The following CHST12 variants were observed in gnomAD, a reference collection of about 807,000 sequenced individuals.
The protein encoded by CHST12 is carbohydrate (chondroitin 4) sulfotransferase 12.
Under a neutral mutation model 27.9 loss-of-function variants are expected in CHST12, and 23 were observed. That is an observed-to-expected ratio of 0.82 (90% CI 0.59 to 1.17). The LOEUF is 1.17. Ranked by LOEUF, CHST12 falls within the 50% of genes most tolerant of loss-of-function variation. The probability of loss-of-function intolerance (pLI) is 0.00; values close to 1 mark genes in which losing one functional copy is unlikely to be tolerated. For missense variants in CHST12, 682 were observed against 603.0 expected, an observed-to-expected ratio of 1.13 and a Z score of -1.37; for synonymous variants, 322 against 273.0, an observed-to-expected ratio of 1.18 and a Z score of -1.77.
chr7:2,433,678 G>C lies in CHST12; in HGVS notation c.1039G>C (p.Glu347Gln). The C allele has an allele frequency of 4.3e-6, 7 of 1,613,470 alleles. No individual in the cohort carries two copies. In the South Asian group the frequency reaches 4.4e-5, roughly 10 times the overall value. The change falls in exon 2 of 2, where the codon GAG becomes CAG. Residue 347 changes from glutamate to glutamine, a missense_variant. Glu to Gln is a conservative substitution (Grantham distance 29, BLOSUM62 2). Coordinates refer to ENST00000618655, the MANE Select transcript of CHST12 (RefSeq NM_018641.5). The surrounding 1 kb of genome is among the most constrained non-coding windows in gnomAD (Gnocchi z 6.1). ...DFVGKLETLDEDAAQLLQLLQ... is the reference protein window; with the variant it reads ...DFVGKLETLDQDAAQLLQLLQ... ...CGTGGGGAAGCTGGAGACTCTGGAC[G>C]AGGACGCCGCGCAGCTGCTGCAGCT...
chr7:2,427,178 C>T (rs898251001), intron 1 of CHST12, among the ~76,000 whole-genome samples: 1 of 151,554 alleles, frequency 6.6e-6, no homozygotes, highest in Non-Finnish European at 1.5e-5. Flanking sequence ...CAGCGAGACC[C>T]TGTCTCACAA....
In CHST12 at chr7:2,438,347, G is replaced by C. The variant is rs1473682715; in HGVS notation, c.*4463G>C. The C allele has an allele frequency of 6.6e-6, 1 of 152,292 alleles. No individual in the cohort carries two copies. The highest frequency in any genetic ancestry group is 2.4e-5 in the African/African-American group (1 of 41,436). The allele number at this position is 152,292 out of a possible 1,614,324, so 9.4% of individuals were successfully genotyped here. On this transcript the variant is annotated 3_prime_UTR_variant, in exon 2 of 2. Coordinates refer to ENST00000618655, the MANE Select transcript of CHST12 (RefSeq NM_018641.5). ...GGTTCCTGGTGGTGCTCCCCTCCAT[G>C]TGTGCTCACCCGCCTGTATGGAGGC...
At chr7:2,417,271 C>G (rs1196148277) in intron 1 of CHST12, among the ~76,000 whole-genome samples, 1 of 150,498 alleles carries the variant, frequency 6.6e-6, no homozygotes, top group Non-Finnish European at 1.5e-5. Context: ...GTTGGCCAGG[C>G]TAGAGTGCAG....
In CHST12 at chr7:2,434,026, T is replaced by C. The variant is rs925744640; in HGVS notation, c.*142T>C. 3.2e-5 allele frequency: 20 copies of C among 624,392 alleles called. No individual in the cohort carries two copies. Among genetic ancestry groups the C allele is most frequent in the Non-Finnish European group, 5.5e-5 (20 of 366,060 alleles). The allele number at this position is 624,392 out of a possible 1,614,324, so 38.7% of individuals were successfully genotyped here. A position where few individuals can be genotyped will look rare whatever the true frequency, so the allele number is the denominator to read the frequency against. On this transcript the variant is annotated 3_prime_UTR_variant, in exon 2 of 2. Transcript: ENST00000618655. ...ATTGAGTACTGTATCGATATTGTTTTTTAAGATTAATATATTTCAGGTATT... is the reference window on the plus strand; with the variant it reads ...ATTGAGTACTGTATCGATATTGTTTCTTAAGATTAATATATTTCAGGTATT...
At position 2,438,905 on chromosome 7, in the gene CHST12, G is replaced by A. The variant is rs566855491; in HGVS notation, c.*5021G>A. ...TGAGACCCAGTGCTCTTAGCTGTGA[G>A]CCTCTGGGAAGAGGTTCTGGCAGGT... is the stretch of plus-strand genomic sequence containing the variant. On this transcript the variant is annotated 3_prime_UTR_variant, in exon 2 of 2. Transcript: ENST00000618655. 2.6e-5 allele frequency: 4 copies of A among 152,320 alleles called. No individual in the cohort carries two copies. The highest frequency in any genetic ancestry group is 5.9e-5 in the Non-Finnish European group (4 of 68,120). The allele number at this position is 152,320 out of a possible 1,614,324, so 9.4% of individuals were successfully genotyped here.
chr7:2,406,934 G>A (rs376930810), intron 1 of CHST12, among the ~76,000 whole-genome samples: 17 of 152,092 alleles, frequency 1.1e-4, no homozygotes, highest in African/African-American at 3.1e-4. Context: ...ATGTCCACGC[G>A]GAGGTGAGCG....
chr7:2,432,657 G>C lies in CHST12; in HGVS notation c.18G>C (p.Leu6=), dbSNP rs1248027792. The change falls in exon 2 of 2, where the codon CTG becomes CTC. Residue 6 remains leucine (L), a synonymous_variant. Transcript: ENST00000618655. ...GGGGCAGGATGACCAAGGCCCGGCT[G>C]TTCCGGCTGTGGCTGGTGCTGGGGT... MTKAR[L]FRLWLVLGSV... 6.2e-6 allele frequency: 10 copies of C among 1,609,720 alleles called. No individual in the cohort carries two copies. The highest frequency in any genetic ancestry group is 2.2e-5 in the South Asian group (2 of 90,942).
At position 2,440,559 on chromosome 7, in the gene CHST12, G is replaced by C. The variant is rs760156574; in HGVS notation, c.*6675G>C. 1.3e-5 allele frequency: 2 copies of C among 152,382 alleles called. No individual in the cohort carries two copies. Among genetic ancestry groups the C allele is most frequent in the Non-Finnish European group, 2.9e-5 (2 of 68,202 alleles). The allele number at this position is 152,382 out of a possible 1,614,324, so 9.4% of individuals were successfully genotyped here. A position where few individuals can be genotyped will look rare whatever the true frequency, so the allele number is the denominator to read the frequency against. Reference sequence around the variant, plus strand: ...CCAGATGAGGCTCGGTTGTGAGTAGGAGCGGGGTGGGCCACCGAAGAGAAG... The same window carrying C: ...CCAGATGAGGCTCGGTTGTGAGTAGCAGCGGGGTGGGCCACCGAAGAGAAG... On this transcript the variant is annotated 3_prime_UTR_variant, in exon 2 of 2. Coordinates refer to ENST00000618655, the MANE Select transcript of CHST12 (RefSeq NM_018641.5).
chr7:2,421,335 T>G (rs1213026712), intron 1 of CHST12, among the ~76,000 whole-genome samples: 1 of 148,188 alleles, frequency 6.7e-6, no homozygotes, highest in African/African-American at 2.5e-5. Context: ...AGCCTCAAAC[T>G]CTTGGGCTCA....
At chr7:2,413,221 C>A (rs1781712614) in intron 1 of CHST12, among the ~76,000 whole-genome samples, 1 of 152,232 alleles carries the variant, frequency 6.6e-6, no homozygotes, top group African/African-American at 2.4e-5. Flanking sequence ...TTCCCTCTTC[C>A]TCCCAGTCCC....
At position 2,442,990 on chromosome 7, in the gene CHST12, C is replaced by G. The variant is rs930669132; in HGVS notation, c.*9106C>G. On this transcript the variant is annotated 3_prime_UTR_variant, in exon 2 of 2. Coordinates refer to ENST00000618655, the MANE Select transcript of CHST12 (RefSeq NM_018641.5). Reference sequence around the variant, plus strand: ...AGGCTGGAGTGCAGTGGCATGATCTCGGCTCACTGCAACCCCTGCTTCCTG... The same window carrying G: ...AGGCTGGAGTGCAGTGGCATGATCTGGGCTCACTGCAACCCCTGCTTCCTG... 6.6e-6 allele frequency: 1 copy of G among 152,118 alleles called. No individual in the cohort carries two copies. The highest frequency in any genetic ancestry group is 1.5e-5 in the Non-Finnish European group (1 of 68,052). 9.4% of individuals were successfully genotyped at this position (152,118 alleles called of 1,614,324 possible). A position where few individuals can be genotyped will look rare whatever the true frequency, so the allele number is the denominator to read the frequency against.
intron 1 of CHST12, among the ~76,000 whole-genome samples, chr7:2,427,515 A>C (rs2115429846): frequency 6.6e-6 from 1 of 152,056 alleles, no homozygotes; most frequent in African/African-American, 2.4e-5. Flanking sequence ...AAAAAAAAAA[A>C]AAGTTTACAC....
intron 1 of CHST12, among the ~76,000 whole-genome samples, chr7:2,405,566 GA>G (rs904805800): frequency 6.6e-6 from 1 of 152,196 alleles, no homozygotes; most frequent in African/African-American, 2.4e-5. Flanking sequence ...TGGTCGTGGT[GA>G]GAATATGGGA....
At position 2,437,185 on chromosome 7, in the gene CHST12, G is replaced by T. The variant is rs964444890; in HGVS notation, c.*3301G>T. The T allele has an allele frequency of 7.9e-5, 12 of 152,246 alleles. No homozygotes were observed. The highest frequency in any genetic ancestry group is 2.9e-4 in the African/African-American group (12 of 41,456). The allele number at this position is 152,246 out of a possible 1,614,324, so 9.4% of individuals were successfully genotyped here. A position where few individuals can be genotyped will look rare whatever the true frequency, so the allele number is the denominator to read the frequency against. ...CCCTGTTGGCCCCCATCCTCCAGCT[G>T]TGTCCACACTTTGAGCACAGTCATG... is the stretch of plus-strand genomic sequence containing the variant. On this transcript the variant is annotated 3_prime_UTR_variant, in exon 2 of 2. Coordinates refer to ENST00000618655, the MANE Select transcript of CHST12 (RefSeq NM_018641.5).
At position 2,433,632 on chromosome 7, in the gene CHST12, G is replaced by A. The variant is rs751420768; in HGVS notation, c.993G>A (p.Pro331=). The A allele has an allele frequency of 1.9e-6, 3 of 1,613,598 alleles. No individual in the cohort carries two copies. Among genetic ancestry groups the A allele is most frequent in the Middle Eastern group, 1.6e-4 (1 of 6,084 alleles). Residue 331 remains proline (P), a synonymous_variant, in exon 2 of 2, where the codon CCG becomes CCA. Transcript: ENST00000618655. This position sits in a 1 kb window ranked among gnomAD's most constrained non-coding sequence, Gnocchi z 6.1. ...GGCAGGTGTACCGCCTCTGCCACCCGTGCCAGATCGACTACGACTTCGTGG... is the reference window on the plus strand; with the variant it reads ...GGCAGGTGTACCGCCTCTGCCACCCATGCCAGATCGACTACGACTTCGTGG... The part of the protein sequence containing the change: ...HWRQVYRLCH[P]CQIDYDFVGK...
chr7:2,422,508 G>T (rs984584695), intron 1 of CHST12, among the ~76,000 whole-genome samples: 2 of 151,814 alleles, frequency 1.3e-5, no homozygotes, highest in Non-Finnish European at 2.9e-5. Context: ...GCCTCCCAAG[G>T]TTCTGGGATT....
At position 2,433,122 on chromosome 7, in the gene CHST12, C is replaced by T; in HGVS notation, c.483C>T (p.Asp161=). The change falls in exon 2 of 2, where the codon GAC becomes GAT. Residue 161 remains aspartate (D), a synonymous_variant. Coordinates refer to ENST00000618655, the MANE Select transcript of CHST12 (RefSeq NM_018641.5). The surrounding 1 kb of genome is among the most constrained non-coding windows in gnomAD (Gnocchi z 6.1). Reference sequence around the variant, plus strand: ...AGCTGAGCCACCTGATCGTGGACGACCGGCACGGGGCCATCTACTGCTACG... The same window carrying T: ...AGCTGAGCCACCTGATCGTGGACGATCGGCACGGGGCCATCTACTGCTACG... ...NSELSHLIVD[D]RHGAIYCYVP... The T allele has an allele frequency of 6.2e-7, 1 of 1,612,600 alleles. No individual in the cohort carries two copies. Among genetic ancestry groups the T allele is most frequent in the Non-Finnish European group, 8.5e-7 (1 of 1,179,450 alleles).
At position 2,446,452 on chromosome 7, in the gene CHST12, G is replaced by C. The variant is rs1320414383; in HGVS notation, c.*12568G>C. On this transcript the variant is annotated 3_prime_UTR_variant, in exon 2 of 2. Coordinates refer to ENST00000618655, the MANE Select transcript of CHST12 (RefSeq NM_018641.5). ...AGCCCCAGGAAGTGGTTCCACCCCAGGCAGCCAACAAGGCGGTGCCTGAAC... is the reference window on the plus strand; with the variant it reads ...AGCCCCAGGAAGTGGTTCCACCCCACGCAGCCAACAAGGCGGTGCCTGAAC... The C allele has an allele frequency of 6.6e-6, 1 of 152,500 alleles. No individual in the cohort carries two copies. Among genetic ancestry groups the C allele is most frequent in the Non-Finnish European group, 1.5e-5 (1 of 68,030 alleles). The allele number at this position is 152,500 out of a possible 1,614,324, so 9.4% of individuals were successfully genotyped here.
chr7:2,420,770 G>A (rs1001302127), intron 1 of CHST12, among the ~76,000 whole-genome samples: 5 of 152,180 alleles, frequency 3.3e-5, no homozygotes, highest in African/African-American at 1.2e-4. Context: ...GGACAACACA[G>A]TGAGACCCTG....
Sources: gnomAD v4.1 joint callset for allele counts (sites outside exome capture counted in the v4.1 genomes callset) on GRCh38, gnomAD v4.1.1 for gene constraint, Gnocchi (gnomAD v3.1) non-coding constraint, MANE v1.5 for transcripts, NCBI Gene and HGNC (gene_info 2026-07-23, HGNC 2026-07-21) for gene names.